UPB1: variants seen among roughly 807,000 people sequenced by gnomAD.
UPB1 encodes the protein beta-ureidopropionase.
Under a neutral mutation model 49.1 loss-of-function variants are expected in UPB1, and 40 were observed. The ratio of observed to expected loss-of-function variants is 0.81; its 90% CI spans 0.63 to 1.06. UPB1 has a LOEUF of 1.06. Ranked by LOEUF, UPB1 falls within the 50% of genes least tolerant of loss-of-function variation. The pLI, the probability that UPB1 is intolerant of heterozygous loss-of-function variation, is 0.00. For missense variants in UPB1, 499 were observed against 505.9 expected (o/e 0.99, Z 0.13); for synonymous variants, 207 against 198.2 (o/e 1.04, Z -0.38).
rs568666876 is a variant in UPB1 at position 24,508,026 on chromosome 22, C to T, written c.365-2723C>T. On this transcript the variant is annotated intron_variant, in intron 3 of 9. Transcript: ENST00000326010. Reference sequence around the variant, plus strand: ...TTCAGACTCCCCTGGCCCCCTCCGCCGTATGGGGGAGCTGTTTTCTTCTTT... The same window carrying T: ...TTCAGACTCCCCTGGCCCCCTCCGCTGTATGGGGGAGCTGTTTTCTTCTTT... Among the ~76,000 whole-genome samples, 9 of 152,250 alleles carry T rather than the reference C, an allele frequency of 5.9e-5. No individual in the cohort carries two copies. The South Asian group carries it at 1.2e-3, about 21-fold the overall frequency.
At chr22:24,495,884 G>A (rs1316843416) in intron 1 of UPB1, among the ~76,000 whole-genome samples, 1 of 152,142 alleles carries the variant, frequency 6.6e-6, no homozygotes, top group East Asian at 1.9e-4. Flanking sequence ...CTGATTGTCC[G>A]GCCCCAGACC....
chr22:24,496,372 A>ACACAC (rs2043878085), intron 1 of UPB1, among the ~76,000 whole-genome samples: 20 of 141,626 alleles, frequency 1.4e-4, no homozygotes, highest in African/African-American at 5.1e-4. Context: ...CCCTGTCTCA[A>ACACAC]ACACACACAC....
In UPB1 at chr22:24,502,557, C is replaced by T. The variant is rs60859140; in HGVS notation, c.364+344C>T. 1,658 of 777,470 alleles carry T rather than the reference C, an allele frequency of 2.1e-3. 17 individuals carry two copies. The highest frequency in any genetic ancestry group is 0.019 in the East Asian group (765 of 41,212). The allele number at this position is 777,470 out of a possible 1,614,324, so 48.2% of individuals were successfully genotyped here. ...GACCAGGACTTCTTTACCTTCAGAT[C>T]TCAGCCCAGAGCCAGCCCCCCCATC... On this transcript the variant is annotated intron_variant, in intron 3 of 9. Coordinates refer to ENST00000326010, the MANE Select transcript of UPB1 (RefSeq NM_016327.3).
rs148225767 is a variant in UPB1, at chr22:24,500,193, A to G, written c.191A>G (p.Glu64Gly). The change falls in exon 2 of 10, where the codon GAG becomes GGG. Residue 64 changes from glutamate to glycine, a missense_variant. Glu to Gly is a moderately conservative substitution (Grantham distance 98, BLOSUM62 -2). Coordinates refer to ENST00000326010, the MANE Select transcript of UPB1 (RefSeq NM_016327.3). ...GGATATGCCTTTGAAGCAGCGGAGG[A>G]GCAGCTGAGACGACCCCGCATTGTG... ...LQGYAFEAAE[E>G]QLRRPRIVHV... The G allele has an allele frequency of 3.7e-6, 6 of 1,614,084 alleles. No individual in the cohort carries two copies. The African/African-American group carries it at 4.0e-5, about 11-fold the overall frequency.
At chr22:24,510,685 C>T in intron 3 of UPB1, 64 bp from the exon 4 acceptor site, 1 of 1,544,906 alleles carries the variant, frequency 6.5e-7, no homozygotes, top group Non-Finnish European at 8.9e-7. Flanking sequence ...CGCTGCTGGG[C>T]TGAGGAGCCC....
chr22:24,502,474 C>T, intron 3 of UPB1: 1 of 780,838 alleles, frequency 1.3e-6, no homozygotes, highest in Admixed American at 1.7e-5. Flanking sequence ...GGTCCAAGCC[C>T]CTGGCAGCTC....
chr22:24,498,155 A>C (rs2043925254), intron 1 of UPB1, among the ~76,000 whole-genome samples: 1 of 152,220 alleles, frequency 6.6e-6, no homozygotes, highest in Non-Finnish European at 1.5e-5. Flanking sequence ...TACATGGTGC[A>C]GGAAGCAAGC....
intron 3 of UPB1, among the ~76,000 whole-genome samples, chr22:24,507,357 C>T (rs1255034335): frequency 1.3e-5 from 2 of 152,106 alleles, no homozygotes; most frequent in African/African-American, 4.8e-5. Flanking sequence ...TGCCTGCCGC[C>T]TGCTTGGCAA....
chr22:24,506,953 C>T (rs537132947), intron 3 of UPB1, among the ~76,000 whole-genome samples: 2 of 152,260 alleles, frequency 1.3e-5, no homozygotes, highest in South Asian at 2.1e-4. Context: ...TGTGTGGCCG[C>T]ACCAGGTTCT....
At chr22:24,510,686 T>C (rs2044182312) in intron 3 of UPB1, 63 bp from the exon 4 acceptor site, 15 of 1,551,438 alleles carry the variant, frequency 9.7e-6, no homozygotes, top group Non-Finnish European at 1.2e-5. Flanking sequence ...GCTGCTGGGC[T>C]GAGGAGCCCC....
chr22:24,518,866 G>T (rs1478495163), intron 6 of UPB1, among the ~76,000 whole-genome samples: 1 of 151,932 alleles, frequency 6.6e-6, no homozygotes, highest in Non-Finnish European at 1.5e-5. Flanking sequence ...ATTTTTAGGG[G>T]TGTGTGTGCA....
intron 3 of UPB1, among the ~76,000 whole-genome samples, chr22:24,504,693 T>C (rs1231603145): frequency 6.6e-6 from 1 of 151,330 alleles, no homozygotes; most frequent in Non-Finnish European, 1.5e-5. Context: ...AACCCTGGAC[T>C]AGTTCCCTAA....
chr22:24,512,897 A>T lies in UPB1; in HGVS notation c.460-427A>T, dbSNP rs185895007. 1.2e-4 allele frequency among the ~76,000 whole-genome samples: 18 copies of T among 152,360 alleles called. No homozygotes were observed. In the East Asian group the frequency reaches 2.5e-3, roughly 21 times the overall value. ...GGCTGAATGATACTCCATTGTATGG[A>T]TGTGCCATGTTTCATTTATCCATTC... is the stretch of plus-strand genomic sequence containing the variant. On this transcript the variant is annotated intron_variant, in intron 4 of 9. Transcript: ENST00000326010.
Position 24,513,348 on chromosome 22 carries a change from G to A in UPB1, c.484G>A (p.Val162Met), listed in dbSNP as rs2044239429. 6.2e-7 allele frequency: 1 copy of A among 1,614,200 alleles called. No individual in the cohort carries two copies. Reference protein sequence around the residue: ...QKLAKNHDMVVVSPILERDSE... With the variant: ...QKLAKNHDMVMVSPILERDSE... ...GCTGGCGAAGAACCATGACATGGTGGTGGTGTCTCCCATCCTGGAACGAGA... is the reference window on the plus strand; with the variant it reads ...GCTGGCGAAGAACCATGACATGGTGATGGTGTCTCCCATCCTGGAACGAGA... Residue 162 changes from valine to methionine, a missense_variant, in exon 5 of 10, where the codon GTG (valine) becomes ATG (methionine). Coordinates refer to ENST00000326010, the MANE Select transcript of UPB1 (RefSeq NM_016327.3).
At chr22:24,522,768 C>CA (rs2044417115) in intron 8 of UPB1, among the ~76,000 whole-genome samples, 1 of 140,122 alleles carries the variant, frequency 7.1e-6, no homozygotes. Flanking sequence ...CCAGTCTCTA[C>CA]TAAAAAAAAA....
intron 1 of UPB1, 117 bp downstream of exon 1, chr22:24,495,624 T>A: frequency 8.8e-7 from 1 of 1,140,914 alleles, no homozygotes; most frequent in Admixed American, 1.9e-5. Flanking sequence ...TGAGAAGTCC[T>A]GAGTTGGCGG....
Position 24,496,394 on chromosome 22 carries a change from CACACACACAT to C in UPB1, c.104+897_104+906del, listed in dbSNP as rs1489537442. Among the ~76,000 whole-genome samples the C allele has an allele frequency of 8.4e-3, 1,140 of 135,488 alleles. 15 individuals are homozygous for C. The highest frequency in any genetic ancestry group is 0.035 in the African/African-American group (1,058 of 30,310). The allele number at this position is 135,488 out of a possible 152,430, so 88.9% of individuals were successfully genotyped here. On this transcript the variant is annotated intron_variant, in intron 1 of 9. Coordinates refer to ENST00000326010, the MANE Select transcript of UPB1 (RefSeq NM_016327.3). ...TCAAACACACACACACACACACACA[CACACACACAT>C]ACACACACACACACACACACACGTC...
chr22:24,512,904 A>T (rs142337078), intron 4 of UPB1, among the ~76,000 whole-genome samples: 406 of 152,342 alleles, frequency 2.7e-3, no homozygotes, highest in African/African-American at 9.5e-3. Context: ...TGGATGTGCC[A>T]TGTTTCATTT....
chr22:24,499,212 G>A (rs191960307), intron 1 of UPB1, among the ~76,000 whole-genome samples: 5 of 152,294 alleles, frequency 3.3e-5, no homozygotes, highest in Admixed American at 6.5e-5. Context: ...TGAAAGAAAC[G>A]TCTCCAAGAA....
Sources: gnomAD v4.1 joint callset for allele counts (sites outside exome capture counted in the v4.1 genomes callset) on GRCh38, gnomAD v4.1.1 for gene constraint, MANE v1.5 for transcripts, NCBI Gene and HGNC (gene_info 2026-07-23, HGNC 2026-07-21) for gene names.